FLYWCH1: variants seen among roughly 807,000 people sequenced by gnomAD.
FLYWCH1 encodes FLYWCH-type zinc finger 1, also known as FLYWCH-type zinc finger-containing protein 1.
FLYWCH1 carries 75 observed loss-of-function variants against 66.4 expected under a neutral mutation model. The observed-to-expected ratio is 1.13, with a 90% CI of 0.94 to 1.37. The LOEUF is 1.37. Ranked by LOEUF, FLYWCH1 falls within the 40% of genes most tolerant of loss-of-function variation. The probability of loss-of-function intolerance (pLI) is 0.00; values close to 1 mark genes in which losing one functional copy is unlikely to be tolerated. For synonymous variants in FLYWCH1, 595 were observed against 429.9 expected, an observed-to-expected ratio of 1.38 and a Z score of -4.75; for missense variants, 1,334 against 1,001.8, an observed-to-expected ratio of 1.33 and a Z score of -4.48.
rs2074360 is a variant in FLYWCH1 at position 2,934,495 on chromosome 16, C to G, written c.1513+516C>G. 8.5e-4 allele frequency: 318 copies of G among 375,678 alleles called. 2 individuals are homozygous for G. Among genetic ancestry groups the G allele is most frequent in the African/African-American group, 6.4e-3 (304 of 47,436 alleles). 23.3% of individuals were successfully genotyped at this position (375,678 alleles called of 1,614,324 possible). A position where few individuals can be genotyped will look rare whatever the true frequency, so the allele number is the denominator to read the frequency against. On this transcript the variant is annotated intron_variant, in intron 6 of 9. Transcript: ENST00000253928. ...ATCTTTATCCACACGGTCGGCCCCCCGCAGTGCCTGGTGTTTTGACTTCAC... is the reference window on the plus strand; with the variant it reads ...ATCTTTATCCACACGGTCGGCCCCCGGCAGTGCCTGGTGTTTTGACTTCAC...
intron 6 of FLYWCH1, chr16:2,936,452 G>A (rs535055479): frequency 1.1e-4 from 34 of 312,608 alleles, no homozygotes; most frequent in East Asian, 6.6e-4. Flanking sequence ...ACACCCTCCC[G>A]CCCCCCGCTG....
intron 9 of FLYWCH1, among the ~76,000 whole-genome samples, chr16:2,940,517 ACTCTAC>A (rs1239369894): frequency 7.9e-5 from 12 of 152,044 alleles, no homozygotes; most frequent in Non-Finnish European, 1.5e-4. Flanking sequence ...CTCACTGCAA[ACTCTAC>A]CTTCCGGGTT....
intron 4 of FLYWCH1, 139 bp downstream of exon 4, chr16:2,931,019 A>G (rs764407818): frequency 4.8e-5 from 35 of 734,800 alleles, no homozygotes; most frequent in Non-Finnish European, 6.7e-5. Flanking sequence ...AAAAATATAA[A>G]TGTGGCCGGG....
Position 2,933,485 on chromosome 16 carries a change from C to A in FLYWCH1, c.1152C>A (p.Thr384=). ...GGGGTCCGGGTCCCCTGACTCTCAC[C>A]AGGCCTCGGCCCAGAAAGCGAGCAA... is the stretch of plus-strand genomic sequence containing the variant. ...YRRGPGPLTL[T]RPRPRKRAKV... Residue 384 remains threonine, a synonymous_variant, in exon 5 of 10, where the codon ACC becomes ACA. Transcript: ENST00000253928. The A allele has an allele frequency of 6.2e-7, 1 of 1,606,788 alleles. No homozygotes were observed. Among genetic ancestry groups the A allele is most frequent in the Non-Finnish European group, 8.5e-7 (1 of 1,177,146 alleles).
chr16:2,942,460 C>A (rs925896965), intron 9 of FLYWCH1, among the ~76,000 whole-genome samples: 7 of 152,116 alleles, frequency 4.6e-5, no homozygotes, highest in Non-Finnish European at 4.4e-5. Context: ...AGCTCATTCT[C>A]TAAGACCAGT....
intron 6 of FLYWCH1, among the ~76,000 whole-genome samples, chr16:2,934,385 A>G (rs1476179456): frequency 6.6e-6 from 1 of 152,212 alleles, no homozygotes; most frequent in African/African-American, 2.4e-5. Context: ...ACTTACATGC[A>G]GCCGGTTTCT....
intron 8 of FLYWCH1, chr16:2,939,750 G>C: frequency 5.6e-6 from 2 of 359,844 alleles, no homozygotes; most frequent in South Asian, 3.5e-5. Context: ...CCACTATCGA[G>C]CTTACAGAGA....
chr16:2,942,195 A>T (rs765788735), intron 9 of FLYWCH1, among the ~76,000 whole-genome samples: 1 of 152,118 alleles, frequency 6.6e-6, no homozygotes. Context: ...TATGGACCTC[A>T]TTCTGGCAGA....
intron 9 of FLYWCH1, among the ~76,000 whole-genome samples, chr16:2,944,903 G>T (rs1438617508): frequency 1.3e-5 from 2 of 152,086 alleles, no homozygotes; most frequent in African/African-American, 2.4e-5. Context: ...CCAAAAGAAG[G>T]CACTGTCGTC....
intron 9 of FLYWCH1, among the ~76,000 whole-genome samples, chr16:2,943,757 G>C (rs2071366364): frequency 6.6e-6 from 1 of 152,020 alleles, no homozygotes; most frequent in African/African-American, 2.4e-5. Flanking sequence ...CCAACATAGT[G>C]AAACTCTGTC....
rs114862585 is a variant in FLYWCH1, at chr16:2,937,002, G to A, written c.1514-119G>A. The stretch of plus-strand genomic sequence containing the variant: ...TGGTGGCATCTGTGTCCTGGGCTCC[G>A]GGGCCACCTCACTGTGAGGAGGAGG... On this transcript the variant is annotated intron_variant, in intron 6 of 9. Coordinates refer to ENST00000253928, the MANE Select transcript of FLYWCH1 (RefSeq NM_001308068.2). 2,794 of 1,251,598 alleles carry A rather than the reference G, an allele frequency of 2.2e-3. 36 individuals carry two copies. The highest frequency in any genetic ancestry group is 0.021 in the African/African-American group (1,379 of 66,226). The allele number at this position is 1,251,598 out of a possible 1,614,324, so 77.5% of individuals were successfully genotyped here.
intron 3 of FLYWCH1, 79 bp downstream of exon 3, chr16:2,930,089 A>G: frequency 8.0e-7 from 1 of 1,253,368 alleles, no homozygotes; most frequent in Non-Finnish European, 1.1e-6. Context: ...ACCCTGCTTC[A>G]AGCATAGTGT....
In FLYWCH1 at chr16:2,929,955, G is replaced by A. The variant is rs2070703568; in HGVS notation, c.270G>A (p.Gly90=). Residue 90 remains glycine (G), a synonymous_variant, in exon 3 of 10, where the codon GGG becomes GGA. Coordinates refer to ENST00000253928, the MANE Select transcript of FLYWCH1 (RefSeq NM_001308068.2). ...LQILPVEEQG[G]VVQPALEMPE... The stretch of plus-strand genomic sequence containing the variant: ...TCCTGCCAGTTGAGGAGCAGGGAGG[G>A]GTGGTCCAGCCAGCCCTAGAGATGC... 1 of 1,613,298 alleles carries A rather than the reference G, an allele frequency of 6.2e-7. No individual in the cohort carries two copies. Among genetic ancestry groups the A allele is most frequent in the Non-Finnish European group, 8.5e-7 (1 of 1,179,662 alleles).
rs549808051 is a variant in FLYWCH1, at chr16:2,933,574, C to T, written c.1241C>T (p.Ala414Val). The T allele has an allele frequency of 6.3e-7, 1 of 1,590,288 alleles. No homozygotes were observed. The highest frequency in any genetic ancestry group is 1.1e-5 in the South Asian group (1 of 87,764). The part of the protein sequence containing the change: ...EAPDEHQDMD[A>V]DPGGPEFLKT... ...CCAGACGAGCACCAGGACATGGACG[C>T]AGACCCGGGTGAGCTGCCTTCCTTT... Residue 414 changes from alanine (A) to valine (V), a missense_variant, in exon 5 of 10, where the codon GCA (alanine) becomes GTA (valine). By Grantham distance (64) the Ala-to-Val change is moderately conservative. Transcript: ENST00000253928.
intron 4 of FLYWCH1, 98 bp downstream of exon 4, chr16:2,930,978 T>G: frequency 1.1e-6 from 1 of 926,604 alleles, no homozygotes; most frequent in Non-Finnish European, 1.6e-6. Context: ...ACAGGGTCTT[T>G]TAAAATGTAC....
chr16:2,948,616 C>G (rs951186634), intron 9 of FLYWCH1, 72 bp from the exon 10 acceptor site: 2 of 1,506,740 alleles, frequency 1.3e-6, no homozygotes, highest in Non-Finnish European at 9.2e-7. Flanking sequence ...TCCAGGAATC[C>G]TGAACTTTCT....
chr16:2,915,811 AAAAAG>A (rs982815409), intron 2 of FLYWCH1, among the ~76,000 whole-genome samples: 13 of 151,966 alleles, frequency 8.6e-5, no homozygotes, highest in African/African-American at 2.4e-4. Context: ...GAAAAAAAAA[AAAAAG>A]AGAGAATCCA....
In FLYWCH1 at chr16:2,930,526, C is replaced by A; in HGVS notation, c.442C>A (p.Arg148Ser). Residue 148 changes from arginine (R) to serine (S), a missense_variant, in exon 4 of 10, where the codon CGC (arginine) becomes AGC (serine). Arg to Ser is a moderately radical substitution (Grantham distance 110, BLOSUM62 -1). Transcript: ENST00000253928. The part of the protein sequence containing the change: ...AVGDKVYWKC[R>S]QHAELGCRGR... ...GGGGGACAAGGTGTACTGGAAGTGC[C>A]GCCAACATGCTGAGCTGGGCTGCCG... is the stretch of plus-strand genomic sequence containing the variant. 6.5e-7 allele frequency: 1 copy of A among 1,544,296 alleles called. No homozygotes were observed. The highest frequency in any genetic ancestry group is 8.7e-7 in the Non-Finnish European group (1 of 1,150,044).
intron 8 of FLYWCH1, 60 bp downstream of exon 8, chr16:2,938,516 G>C: frequency 1.4e-6 from 2 of 1,459,054 alleles, no homozygotes; most frequent in South Asian, 3.0e-5. Context: ...TTCCAGCTCA[G>C]AACTGATGCC....
Sources: allele counts gnomAD v4.1 joint callset (sites outside exome capture counted in the v4.1 genomes callset), GRCh38; gene constraint gnomAD v4.1.1; transcripts MANE v1.5; gene names NCBI Gene and HGNC (gene_info 2026-07-23, HGNC 2026-07-21).